PDE6H: variants seen among roughly 807,000 people sequenced by gnomAD.
The protein encoded by PDE6H is retinal cone rhodopsin-sensitive cGMP 3',5'-cyclic phosphodiesterase subunit gamma.
A neutral mutation model predicts 9.2 loss-of-function variants in PDE6H; 11 were observed. The ratio of observed to expected loss-of-function variants is 1.19; its 90% CI spans 0.75 to 1.97. PDE6H has a LOEUF of 1.97. PDE6H is among the 30% of genes most tolerant of loss of function. The pLI, the probability that PDE6H is intolerant of heterozygous loss-of-function variation, is 0.00. For missense variants in PDE6H, 98 were observed against 101.5 expected (o/e 0.97, Z 0.15); for synonymous variants, 36 against 33.6 (o/e 1.07, Z -0.25).
intron 3 of PDE6H, among the ~76,000 whole-genome samples, 187 bp from the exon 4 acceptor site, chr12:14,981,213 C>A (rs368595854): frequency 6.6e-6 from 1 of 152,220 alleles, no homozygotes; most frequent in African/African-American, 2.4e-5. Flanking sequence ...AACAGAGATG[C>A]CTGGTGCAAC....
intron 1 of PDE6H, among the ~76,000 whole-genome samples, chr12:14,977,341 T>A (rs987863524): frequency 6.6e-6 from 1 of 152,064 alleles, no homozygotes; most frequent in Admixed American, 6.6e-5. Flanking sequence ...TGAAGGACTA[T>A]AAAAAAACAG....
chr12:14,981,026 T>A (rs1434181161), intron 3 of PDE6H, among the ~76,000 whole-genome samples: 3 of 152,158 alleles, frequency 2.0e-5, no homozygotes, highest in African/African-American at 7.2e-5. Flanking sequence ...ACCAGGGAGA[T>A]TCAAAGTGCT....
chr12:14,974,660 G>C (rs1349021724), intron 1 of PDE6H, among the ~76,000 whole-genome samples: 1 of 152,200 alleles, frequency 6.6e-6, no homozygotes, highest in Non-Finnish European at 1.5e-5. Flanking sequence ...TTGCTGTTGG[G>C]GTGTCAAAGG....
intron 2 of PDE6H, 147 bp downstream of exon 2, chr12:14,978,293 T>C (rs912286619): frequency 5.6e-6 from 4 of 710,292 alleles, no homozygotes; most frequent in Admixed American, 4.4e-5. Context: ...ACTCCATCTT[T>C]GATGAATTGT....
intron 1 of PDE6H, among the ~76,000 whole-genome samples, chr12:14,976,766 A>C (rs1864602408): frequency 6.6e-6 from 1 of 152,198 alleles, no homozygotes; most frequent in African/African-American, 2.4e-5. Flanking sequence ...TATGGAGACA[A>C]AGCCCCCACA....
In PDE6H at chr12:14,973,098, T is replaced by G. The variant is rs1864543845; in HGVS notation, c.-42+12T>G. The G allele has an allele frequency of 6.6e-6, 1 of 152,234 alleles. No individual in the cohort carries two copies. The highest frequency in any genetic ancestry group is 6.5e-5 in the Admixed American group (1 of 15,288). 9.4% of individuals were successfully genotyped at this position (152,234 alleles called of 1,614,324 possible). ...CAACATTCAGCTCCGTGAGTACTTC[T>G]GAACTTCTGGTGAATTTGAGCAGGA... On this transcript the variant is annotated intron_variant, in intron 1 of 3. Transcript: ENST00000266395.
intron 1 of PDE6H, among the ~76,000 whole-genome samples, chr12:14,977,247 A>G (rs1454378577): frequency 6.6e-6 from 1 of 152,238 alleles, no homozygotes; most frequent in Non-Finnish European, 1.5e-5. Flanking sequence ...AGACAACTAC[A>G]CTGTCATCTC....
chr12:14,981,674 C>T lies in PDE6H; in HGVS notation c.*198C>T, dbSNP rs1864687433. The stretch of plus-strand genomic sequence containing the variant: ...GCAGTACAGCTCAAAATAGTGGATG[C>T]ATTTCAAACTTGACCACCTTTTCCT... On this transcript the variant is annotated 3_prime_UTR_variant, in exon 4 of 4. Coordinates refer to ENST00000266395, the MANE Select transcript of PDE6H (RefSeq NM_006205.3). 4 of 623,184 alleles carry T rather than the reference C, an allele frequency of 6.4e-6. No homozygotes were observed. In the South Asian group the frequency reaches 7.5e-5, roughly 12 times the overall value. The allele number at this position is 623,184 out of a possible 1,614,324, so 38.6% of individuals were successfully genotyped here.
chr12:14,976,764 C>A (rs1028984625), intron 1 of PDE6H, among the ~76,000 whole-genome samples: 3 of 152,016 alleles, frequency 2.0e-5, no homozygotes, highest in African/African-American at 7.3e-5. Flanking sequence ...CTTATGGAGA[C>A]AAAGCCCCCA....
intron 1 of PDE6H, among the ~76,000 whole-genome samples, chr12:14,975,122 G>A (rs1333245618): frequency 1.3e-5 from 2 of 152,096 alleles, no homozygotes; most frequent in Non-Finnish European, 2.9e-5. Context: ...ACTCTCTACC[G>A]TGTTACCATC....
chr12:14,981,548 G>T lies in PDE6H; in HGVS notation c.*72G>T, dbSNP rs965435244. Reference sequence around the variant, plus strand: ...GTTGCTTTTGCCCTGTTGATCTGCCGGAGTCTTGAAATTCAGCTGATTGGA... The same window carrying T: ...GTTGCTTTTGCCCTGTTGATCTGCCTGAGTCTTGAAATTCAGCTGATTGGA... On this transcript the variant is annotated 3_prime_UTR_variant, in exon 4 of 4. Coordinates refer to ENST00000266395, the MANE Select transcript of PDE6H (RefSeq NM_006205.3). 2 of 1,005,330 alleles carry T rather than the reference G, an allele frequency of 2.0e-6. No individual in the cohort carries two copies. The highest frequency in any genetic ancestry group is 3.2e-6 in the Non-Finnish European group (2 of 627,878). The allele number at this position is 1,005,330 out of a possible 1,614,324, so 62.3% of individuals were successfully genotyped here.
At chr12:14,977,339 T>C (rs1335926025) in intron 1 of PDE6H, among the ~76,000 whole-genome samples, 2 of 152,236 alleles carry the variant, frequency 1.3e-5, no homozygotes, top group East Asian at 3.9e-4. Context: ...CATGAAGGAC[T>C]ATAAAAAAAC....
chr12:14,980,292 G>C (rs1565472954), intron 3 of PDE6H, among the ~76,000 whole-genome samples: 1 of 152,116 alleles, frequency 6.6e-6, no homozygotes, highest in Non-Finnish European at 1.5e-5. Context: ...GTTTCTCCAT[G>C]TTTTTATGTG....
chr12:14,978,421 A>T (rs535014064), intron 2 of PDE6H, among the ~76,000 whole-genome samples: 6 of 151,978 alleles, frequency 3.9e-5, no homozygotes, highest in Non-Finnish European at 8.8e-5. Context: ...TTTGATGACC[A>T]CTCCTCTTTA....
chr12:14,979,881 C>T (rs747396434), intron 3 of PDE6H, among the ~76,000 whole-genome samples: 2 of 152,156 alleles, frequency 1.3e-5, no homozygotes, highest in Non-Finnish European at 2.9e-5. Flanking sequence ...TATATGTCCT[C>T]TCTACCATCT....
intron 3 of PDE6H, 145 bp from the exon 4 acceptor site, chr12:14,981,255 C>T: frequency 1.3e-6 from 1 of 752,334 alleles, no homozygotes; most frequent in Non-Finnish European, 2.4e-6. Flanking sequence ...CTTCCTGGGC[C>T]ACAGGGCCAC....
intron 1 of PDE6H, among the ~76,000 whole-genome samples, chr12:14,975,826 T>TTTTTTTTTTTTTTG: frequency 3.2e-5 from 1 of 31,388 alleles, no homozygotes; most frequent in Non-Finnish European, 1.6e-4. Flanking sequence ...TTTTTTTTTG[T>TTTTTTTTTTTTTTG]TTTTTTTTTT....
intron 3 of PDE6H, 91 bp downstream of exon 3, chr12:14,979,310 G>A (rs1864646551): frequency 1.2e-6 from 1 of 814,650 alleles, no homozygotes; most frequent in African/African-American, 1.7e-5. Context: ...TGAAAGTTAT[G>A]AGAAATACCC....
At position 14,978,000 on chromosome 12, in the gene PDE6H, G is replaced by A. The variant is rs371365050; in HGVS notation, c.-13G>A. 1.2e-5 allele frequency: 19 copies of A among 1,611,136 alleles called. No individual in the cohort carries two copies. The highest frequency in any genetic ancestry group is 3.3e-5 in the South Asian group (3 of 90,986). ...GCTGAAAGGGAAACATCAGCCGCCC[G>A]GGGGGAGTTAAAATGAGTGACAACA... On this transcript the variant is annotated 5_prime_UTR_variant, in exon 2 of 4. Transcript: ENST00000266395.
Sources: allele counts gnomAD v4.1 joint callset (sites outside exome capture counted in the v4.1 genomes callset), GRCh38; gene constraint gnomAD v4.1.1; transcripts MANE v1.5; gene names NCBI Gene and HGNC (gene_info 2026-07-23, HGNC 2026-07-21).